Variants in MGAT4C observed in about 807,000 individuals in gnomAD.
MGAT4C encodes the protein MGAT4 family member C.
Under a neutral mutation model 40.1 loss-of-function variants are expected in MGAT4C, and 19 were observed. The observed-to-expected ratio is 0.47, with a 90% confidence interval of 0.33 to 0.70. The LOEUF (loss-of-function observed/expected upper bound fraction) is 0.70, where lower values mean the gene tolerates loss of function less well. Among genes scored for constraint, MGAT4C ranks in the 30% least tolerant of loss-of-function variants. The pLI is 0.02. For missense variants in MGAT4C, 491 were observed against 563.2 expected (o/e 0.87, Z 1.30); for synonymous variants, 181 against 187.1 (o/e 0.97, Z 0.27).
chr12:86,272,413 G>A (rs1199212244), intron 4 of MGAT4C, among the ~76,000 whole-genome samples: 1 of 152,078 alleles, frequency 6.6e-6, no homozygotes, highest in African/African-American at 2.4e-5. Context: ...ACTAGAAGTA[G>A]AATTGTTATT....
chr12:86,591,250 T>C (rs1961317180), intron 2 of MGAT4C, among the ~76,000 whole-genome samples: 2 of 152,020 alleles, frequency 1.3e-5, no homozygotes, highest in Admixed American at 1.3e-4. Flanking sequence ...TAAGATCAAA[T>C]AGGACTTGAT....
At chr12:86,755,511 A>T (rs1046839537) in intron 1 of MGAT4C, among the ~76,000 whole-genome samples, 4 of 152,056 alleles carry the variant, frequency 2.6e-5, no homozygotes, top group African/African-American at 9.7e-5. Context: ...CCCAGTGCTA[A>T]TAAGATCTTA....
intron 4 of MGAT4C, among the ~76,000 whole-genome samples, chr12:86,321,430 A>G (rs972641503): frequency 8.5e-5 from 13 of 152,180 alleles, no homozygotes; most frequent in Non-Finnish European, 8.8e-5. Context: ...TCCAGACCAA[A>G]TGAAACTTTT....
chr12:86,513,906 G>A (rs569587460), intron 2 of MGAT4C, among the ~76,000 whole-genome samples: 1 of 151,994 alleles, frequency 6.6e-6, no homozygotes, highest in African/African-American at 2.4e-5. Flanking sequence ...AGGTAGCTGT[G>A]AAAATCAGCA....
chr12:86,485,204 T>C (rs535705790), intron 2 of MGAT4C, among the ~76,000 whole-genome samples: 1 of 152,162 alleles, frequency 6.6e-6, no homozygotes, highest in Non-Finnish European at 1.5e-5. Context: ...TACTTCCAAA[T>C]GAGTATGCTA....
rs553148411 is a variant in MGAT4C at position 86,079,553 on chromosome 12, T to C, written c.-56-29830A>G. ...TTGGTCATCATTAAGTATCACTATA[T>C]AGTATGGTCTTGTCTGATGAGAGGA... On this transcript the variant is annotated intron_variant, in intron 1 of 4. Transcript: ENST00000611864. 1.5e-3 allele frequency among the ~76,000 whole-genome samples: 227 copies of C among 152,196 alleles called. 2 individuals are homozygous for C. Among genetic ancestry groups the C allele is most frequent in the South Asian group, 6.6e-3 (32 of 4,822 alleles).
At chr12:86,333,022 G>A (rs954565572) in intron 4 of MGAT4C, among the ~76,000 whole-genome samples, 3 of 152,080 alleles carry the variant, frequency 2.0e-5, no homozygotes, top group Non-Finnish European at 2.9e-5. Context: ...TGAGTCTGAC[G>A]ACCCCTGAAT....
rs796478401 is a variant in MGAT4C at position 86,244,165 on chromosome 12, CT to C, written c.-57+12073del. 7.2e-5 allele frequency among the ~76,000 whole-genome samples: 11 copies of C among 152,302 alleles called. 1 individual carries two copies. Among genetic ancestry groups the C allele is most frequent in the African/African-American group, 2.4e-4 (10 of 41,558 alleles). ...GCACATAAGCAACACACATCCTGTA[CT>C]TTCTAGAATGCTTTGCACTGTTTAA... On this transcript the variant is annotated intron_variant, in intron 1 of 4. Transcript: ENST00000611864.
chr12:85,969,003 G>T lies in MGAT4C; in HGVS notation c.*10286C>A, dbSNP rs1356705133. On this transcript the variant is annotated 3_prime_UTR_variant, in exon 5 of 5. Transcript: ENST00000611864. ...TTCTGTTTTAATACTTCATAGACTT[G>T]TAAGGATGTAATGTAGTGTTTCTAA... 6.6e-6 allele frequency: 1 copy of T among 151,766 alleles called. No individual in the cohort carries two copies. The highest frequency in any genetic ancestry group is 1.5e-5 in the Non-Finnish European group (1 of 67,782). 9.4% of individuals were successfully genotyped at this position (151,766 alleles called of 1,614,324 possible).
At chr12:86,797,458 A>C (rs1952145656) in intron 1 of MGAT4C, among the ~76,000 whole-genome samples, 1 of 151,924 alleles carries the variant, frequency 6.6e-6, no homozygotes, top group Non-Finnish European at 1.5e-5. Flanking sequence ...AAACATATGA[A>C]AGTCAATAAT....
At chr12:86,386,421 T>TA (rs1439693623) in intron 3 of MGAT4C, among the ~76,000 whole-genome samples, 1 of 152,176 alleles carries the variant, frequency 6.6e-6, no homozygotes, top group African/African-American at 2.4e-5. Context: ...CAATCACTGG[T>TA]ACCTCATAGA....
At chr12:85,993,578 T>C (rs1006694533) in intron 2 of MGAT4C, among the ~76,000 whole-genome samples, 1 of 152,040 alleles carries the variant, frequency 6.6e-6, no homozygotes, top group Non-Finnish European at 1.5e-5. Flanking sequence ...CATCTCCTGA[T>C]TTGGTTAAGG....
chr12:86,357,310 A>C (rs2136197557), intron 3 of MGAT4C, among the ~76,000 whole-genome samples: 1 of 152,204 alleles, frequency 6.6e-6, no homozygotes, highest in South Asian at 2.1e-4. Context: ...CCACACCAAA[A>C]CCCCATCTGT....
At chr12:86,004,504 A>G (rs975292449) in intron 2 of MGAT4C, among the ~76,000 whole-genome samples, 1 of 152,126 alleles carries the variant, frequency 6.6e-6, no homozygotes, top group Non-Finnish European at 1.5e-5. Flanking sequence ...AATATTTGCA[A>G]TCAGCTACAA....
chr12:86,764,736 G>A (rs2136157653), intron 1 of MGAT4C, among the ~76,000 whole-genome samples: 1 of 152,244 alleles, frequency 6.6e-6, no homozygotes, highest in South Asian at 2.1e-4. Flanking sequence ...AGCCACCACT[G>A]CTGATACCCA....
At chr12:86,158,098 T>G (rs938770972) in intron 1 of MGAT4C, among the ~76,000 whole-genome samples, 3 of 152,158 alleles carry the variant, frequency 2.0e-5, no homozygotes, top group African/African-American at 7.2e-5. Context: ...TAGCTAGATG[T>G]TGGATCATTA....
At chr12:86,808,902 GCTT>G (rs1233134845) in intron 1 of MGAT4C, among the ~76,000 whole-genome samples, 5 of 151,982 alleles carry the variant, frequency 3.3e-5, no homozygotes, top group Non-Finnish European at 7.4e-5. Flanking sequence ...CAGCCCAAAA[GCTT>G]CTTAAGCTGG....
rs191050257 is a variant in MGAT4C, at chr12:86,682,320, G to A, written c.-229+44889C>T. Reference sequence around the variant, plus strand: ...TTGAATCTTAACAAAATTCTTGGTTGAGGTTCAGAGTGAAGAGGTAACATG... The same window carrying A: ...TTGAATCTTAACAAAATTCTTGGTTAAGGTTCAGAGTGAAGAGGTAACATG... On this transcript the variant is annotated intron_variant, in intron 2 of 7. Coordinates refer to the MGAT4C transcript ENST00000548651. 5.6e-3 allele frequency among the ~76,000 whole-genome samples: 851 copies of A among 152,020 alleles called. 3 individuals are homozygous for A. The highest frequency in any genetic ancestry group is 8.9e-3 in the Non-Finnish European group (607 of 67,906).
At chr12:86,396,103 G>A (rs368563062) in intron 3 of MGAT4C, among the ~76,000 whole-genome samples, 1 of 151,906 alleles carries the variant, frequency 6.6e-6, no homozygotes, top group African/African-American at 2.4e-5. Flanking sequence ...TTTGGATTCT[G>A]TAAAAAATCT....
Sources: gnomAD v4.1 joint callset for allele counts (sites outside exome capture counted in the v4.1 genomes callset) on GRCh38, gnomAD v4.1.1 for gene constraint, MANE v1.5 for transcripts, NCBI Gene and HGNC (gene_info 2026-07-23, HGNC 2026-07-21) for gene names.